The following PARD3B variants were observed in gnomAD, a reference collection of about 807,000 sequenced individuals.
PARD3B encodes partitioning defective 3 homolog B.
Under a neutral mutation model 130.2 loss-of-function variants are expected in PARD3B, and 103 were observed. The ratio of observed to expected loss-of-function variants is 0.79; its 90% CI spans 0.67 to 0.93. The LOEUF is 0.93. Ranked by LOEUF, PARD3B falls within the 40% of genes least tolerant of loss-of-function variation. The pLI, the probability that PARD3B is intolerant of heterozygous loss-of-function variation, is 0.00. For synonymous variants in PARD3B, 583 were observed against 553.2 expected (o/e 1.05, Z -0.76); for missense variants, 1,609 against 1,499.2 (o/e 1.07, Z -1.21).
chr2:205,306,416 T>C (rs2042186463), intron 18 of PARD3B, among the ~76,000 whole-genome samples: 1 of 152,238 alleles, frequency 6.6e-6, no homozygotes, highest in Admixed American at 6.5e-5. Context: ...ACTATTAAAA[T>C]ATTTAACTAA....
chr2:204,981,443 G>C (rs1692658796), intron 3 of PARD3B, among the ~76,000 whole-genome samples: 1 of 152,178 alleles, frequency 6.6e-6, no homozygotes, highest in Admixed American at 6.6e-5. Flanking sequence ...TCATAAAATA[G>C]AAGGTGTAAG....
rs1553542806 is a variant in PARD3B at position 205,550,955 on chromosome 2, G to GTATA, written c.3181-2350_3181-2347dup. 2.0e-4 allele frequency among the ~76,000 whole-genome samples: 19 copies of GTATA among 94,468 alleles called. No homozygotes were observed. The highest frequency in any genetic ancestry group is 7.2e-4 in the African/African-American group (19 of 26,372). The allele number at this position is 94,468 out of a possible 152,430, so 62.0% of individuals were successfully genotyped here. A position where few individuals can be genotyped will look rare whatever the true frequency, so the allele number is the denominator to read the frequency against. ...TGTGTGTGTGTGTATATATATATGTGTATATATATATATATATATATACAC... is the reference window on the plus strand; with the variant it reads ...TGTGTGTGTGTGTATATATATATGTGTATATATATATATATATATATATATACAC... On this transcript the variant is annotated intron_variant, in intron 21 of 22. Transcript: ENST00000406610. The surrounding 1 kb of genome is among the most constrained non-coding windows in gnomAD (Gnocchi z 4.5).
intron 2 of PARD3B, among the ~76,000 whole-genome samples, chr2:204,910,051 T>A (rs2047177642): frequency 1.3e-5 from 2 of 152,086 alleles, no homozygotes. Context: ...AGAGTATTGG[T>A]GGACCTCCAA....
intron 2 of PARD3B, among the ~76,000 whole-genome samples, chr2:204,838,272 T>G (rs2044127806): frequency 6.6e-6 from 1 of 151,842 alleles, no homozygotes; most frequent in Admixed American, 6.6e-5. Flanking sequence ...AACCTCCACC[T>G]CCTGGGTTCC....
chr2:205,555,481 G>A (rs76171922), intron 22 of PARD3B, among the ~76,000 whole-genome samples: 2,861 of 152,192 alleles, frequency 0.019, 80 homozygotes, highest in South Asian at 0.12. Context: ...GCTAATCCCC[G>A]AAATACTCAC....
intron 2 of PARD3B, among the ~76,000 whole-genome samples, chr2:204,953,420 CAGAGAGAGAGAGAG>C (rs138644226): frequency 0.017 from 2,127 of 123,276 alleles, 40 homozygotes; most frequent in African/African-American, 0.043. Context: ...TACACACACA[CAGAGAGAGAGAGAG>C]AGAGAGAGAG....
At chr2:204,909,902 A>G (rs2047173074) in intron 2 of PARD3B, among the ~76,000 whole-genome samples, 2 of 152,204 alleles carry the variant, frequency 1.3e-5, no homozygotes, top group African/African-American at 2.4e-5. Flanking sequence ...TGGAAGAGAA[A>G]GGAAGTCATT....
In PARD3B at chr2:205,121,570, A is replaced by C. The variant is rs200137697; in HGVS notation, c.807-21A>C. 19 of 1,602,694 alleles carry C rather than the reference A, an allele frequency of 1.2e-5. No homozygotes were observed. The East Asian group carries it at 4.0e-4, about 34-fold the overall frequency. On this transcript the variant is annotated intron_variant, in intron 7 of 22. Coordinates refer to ENST00000406610, the MANE Select transcript of PARD3B (RefSeq NM_001302769.2). This position sits in a 1 kb window ranked among gnomAD's most constrained non-coding sequence, Gnocchi z 5.0. The stretch of plus-strand genomic sequence containing the variant: ...GCACCTCAAAGCAGGGTCATCATAC[A>C]TTTATCAACTTTCTTTCCAGGGCTC...
chr2:205,514,608 AT>A (rs1247585439), intron 21 of PARD3B, among the ~76,000 whole-genome samples: 3 of 116,322 alleles, frequency 2.6e-5, no homozygotes. Context: ...GGATAGAAAT[AT>A]AAAGATAGAT....
rs2041634760 is a variant in PARD3B at position 205,292,228 on chromosome 2, G to C, written c.2186-8302G>C. 6.6e-6 allele frequency among the ~76,000 whole-genome samples: 1 copy of C among 152,070 alleles called. No homozygotes were observed. The highest frequency in any genetic ancestry group is 2.1e-4 in the South Asian group (1 of 4,822). ...TCTGCTGGTGCAGAGAGCTGTAGTA[G>C]AGCCCTCATGAATGGGATTAGTTTC... On this transcript the variant is annotated intron_variant, in intron 16 of 22. Coordinates refer to ENST00000406610, the MANE Select transcript of PARD3B (RefSeq NM_001302769.2). This position sits in a 1 kb window ranked among gnomAD's most constrained non-coding sequence, Gnocchi z 5.3.
At chr2:205,375,466 G>A (rs765479559) in intron 18 of PARD3B, among the ~76,000 whole-genome samples, 23 of 152,174 alleles carry the variant, frequency 1.5e-4, no homozygotes, top group Non-Finnish European at 2.5e-4. Context: ...ATAGGGAGCC[G>A]ACAGAGACCT....
At chr2:204,764,935 GC>G (rs2041078311) in intron 2 of PARD3B, among the ~76,000 whole-genome samples, 2 of 151,778 alleles carry the variant, frequency 1.3e-5, no homozygotes, top group Admixed American at 1.3e-4. Context: ...AAGGACTGAT[GC>G]ATTTTTTTTT....
chr2:205,247,608 G>C (rs1257774608), intron 16 of PARD3B, among the ~76,000 whole-genome samples: 4 of 152,128 alleles, frequency 2.6e-5, no homozygotes, highest in Admixed American at 2.6e-4. Flanking sequence ...AATTAGTACT[G>C]TTATTCCAAC....
intron 2 of PARD3B, among the ~76,000 whole-genome samples, chr2:204,944,128 C>T (rs572974048): frequency 6.6e-6 from 1 of 152,256 alleles, no homozygotes; most frequent in South Asian, 2.1e-4. Flanking sequence ...AATGAAGTAC[C>T]ACTTAAACAA....
intron 20 of PARD3B, among the ~76,000 whole-genome samples, chr2:205,450,877 A>C (rs895306318): frequency 6.6e-6 from 1 of 152,126 alleles, no homozygotes; most frequent in Non-Finnish European, 1.5e-5. Context: ...ACAAACCATA[A>C]CTCATTAGAT....
rs2045775716 is a variant in PARD3B at position 205,389,488 on chromosome 2, A to AATT, written c.2631-11524_2631-11523insTTA. Among the ~76,000 whole-genome samples the AATT allele has an allele frequency of 2.6e-5, 4 of 152,178 alleles. No homozygotes were observed. The South Asian group carries it at 8.3e-4, about 32-fold the overall frequency. ...AGGGATTCTTTTGCCTCAGCCTCCC[A>AATT]AGTAGCTGGGATTACAGGCACATGC... On this transcript the variant is annotated intron_variant, in intron 18 of 22. Coordinates refer to ENST00000406610, the MANE Select transcript of PARD3B (RefSeq NM_001302769.2).
chr2:205,045,790 C>CATAT (rs1239654022), intron 3 of PARD3B, among the ~76,000 whole-genome samples: 12 of 151,700 alleles, frequency 7.9e-5, no homozygotes, highest in Admixed American at 7.9e-4. Flanking sequence ...CACACACATA[C>CATAT]ATATATATAC....
At chr2:204,569,709 T>C (rs2031877970) in intron 1 of PARD3B, among the ~76,000 whole-genome samples, 1 of 152,192 alleles carries the variant, frequency 6.6e-6, no homozygotes, top group Non-Finnish European at 1.5e-5. Flanking sequence ...TTATGAAGTA[T>C]GAAATTATGA....
chr2:205,487,981 A>G (rs1436121027), intron 20 of PARD3B, among the ~76,000 whole-genome samples: 1 of 152,232 alleles, frequency 6.6e-6, no homozygotes, highest in Non-Finnish European at 1.5e-5. Flanking sequence ...TCAGTTCAAG[A>G]AGGTGAACGA....
Sources: gnomAD v4.1 joint callset for allele counts (sites outside exome capture counted in the v4.1 genomes callset) on GRCh38, gnomAD v4.1.1 for gene constraint, Gnocchi (gnomAD v3.1) non-coding constraint, MANE v1.5 for transcripts, NCBI Gene and HGNC (gene_info 2026-07-23, HGNC 2026-07-21) for gene names.